The following PARD3 variants were observed in gnomAD, a reference collection of about 807,000 sequenced individuals.
The protein encoded by PARD3 is par-3 family cell polarity regulator, also known as partitioning defective 3 homolog.
PARD3 carries 75 observed loss-of-function variants against 155.4 expected under a neutral mutation model. The observed-to-expected ratio is 0.48, with a 90% CI of 0.40 to 0.58. The LOEUF (loss-of-function observed/expected upper bound fraction) is 0.58. PARD3 is among the 20% of genes least tolerant of loss of function. The probability of loss-of-function intolerance (pLI) is 0.00; values close to 1 mark genes in which losing one functional copy is unlikely to be tolerated. For synonymous variants in PARD3, 576 were observed against 610.5 expected (o/e 0.94, Z 0.83); for missense variants, 1,642 against 1,721.7 (o/e 0.95, Z 0.82).
intron 22 of PARD3, among the ~76,000 whole-genome samples, chr10:34,231,544 T>A (rs1480980735): frequency 6.6e-6 from 1 of 152,074 alleles, no homozygotes; most frequent in Non-Finnish European, 1.5e-5. Context: ...AGAAAACTTG[T>A]ATGAGGCAAA....
intron 1 of PARD3, among the ~76,000 whole-genome samples, chr10:34,742,112 C>T (rs1034596977): frequency 6.6e-5 from 10 of 152,168 alleles, no homozygotes; most frequent in African/African-American, 1.9e-4. Context: ...TGAAAATTCA[C>T]GTGATAGCTA....
chr10:34,687,223 T>G (rs2093966707), intron 2 of PARD3, among the ~76,000 whole-genome samples: 1 of 152,138 alleles, frequency 6.6e-6, no homozygotes, highest in Non-Finnish European at 1.5e-5. Flanking sequence ...AGTAATTTTA[T>G]TACCATAAGA....
chr10:34,602,339 C>T (rs1482851676), intron 2 of PARD3, among the ~76,000 whole-genome samples: 1 of 152,084 alleles, frequency 6.6e-6, no homozygotes, highest in African/African-American at 2.4e-5. Flanking sequence ...TATTGTAGAT[C>T]CACTAATGGA....
intron 1 of PARD3, among the ~76,000 whole-genome samples, chr10:34,810,555 T>C (rs1194953417): frequency 1.3e-5 from 2 of 152,206 alleles, no homozygotes; most frequent in Non-Finnish European, 2.9e-5. Context: ...CATACACACA[T>C]GCAACACACA....
In PARD3 at chr10:34,377,339, G is replaced by A. The variant is rs555717379; in HGVS notation, c.1539+628C>T. Among the ~76,000 whole-genome samples the A allele has an allele frequency of 7.0e-4, 107 of 152,274 alleles. No individual in the cohort carries two copies. In the South Asian group the frequency reaches 0.022, roughly 31 times the overall value. The stretch of plus-strand genomic sequence containing the variant: ...CTAAACTAAATGGGGCTGGGCATGA[G>A]GGCTAACGTCTGTAATCCCAGCATT... On this transcript the variant is annotated intron_variant, in intron 10 of 24. Transcript: ENST00000374788.
chr10:34,699,170 C>T (rs1372673826), intron 1 of PARD3, among the ~76,000 whole-genome samples: 2 of 152,160 alleles, frequency 1.3e-5, no homozygotes, highest in African/African-American at 2.4e-5. Flanking sequence ...CAACAGTCAG[C>T]TATGCCAAGC....
intron 2 of PARD3, among the ~76,000 whole-genome samples, chr10:34,560,752 C>T (rs1379355428): frequency 6.6e-5 from 10 of 152,088 alleles, no homozygotes; most frequent in Non-Finnish European, 1.3e-4. Context: ...GTGTCCACTG[C>T]GTTCATTTTA....
At chr10:34,186,426 G>A (rs1398304666) in intron 22 of PARD3, among the ~76,000 whole-genome samples, 4 of 151,458 alleles carry the variant, frequency 2.6e-5, no homozygotes, top group Admixed American at 6.6e-5. Context: ...CCCAAACACT[G>A]GGATTTTCAG....
At chr10:34,664,732 C>T (rs2093408416) in intron 2 of PARD3, among the ~76,000 whole-genome samples, 1 of 152,176 alleles carries the variant, frequency 6.6e-6, no homozygotes, top group Non-Finnish European at 1.5e-5. Flanking sequence ...GTAATCTGCC[C>T]ACTTTGGCCT....
chr10:34,721,362 A>C (rs1176585558), intron 1 of PARD3, among the ~76,000 whole-genome samples: 1 of 152,214 alleles, frequency 6.6e-6, no homozygotes. Context: ...GGCGTAAAGT[A>C]AGCTATGTGA....
At chr10:34,440,618 A>G (rs534738820) in intron 5 of PARD3, among the ~76,000 whole-genome samples, 1 of 152,242 alleles carries the variant, frequency 6.6e-6, no homozygotes, top group South Asian at 2.1e-4. Context: ...ACACACCACC[A>G]AAGATTTTTC....
intron 3 of PARD3, among the ~76,000 whole-genome samples, chr10:34,493,893 G>A (rs1473834474): frequency 1.3e-5 from 2 of 152,036 alleles, no homozygotes; most frequent in Non-Finnish European, 2.9e-5. Flanking sequence ...CTATTATCAT[G>A]GAAATACCAT....
chr10:34,684,064 G>A (rs900602036), intron 2 of PARD3, among the ~76,000 whole-genome samples: 4 of 152,096 alleles, frequency 2.6e-5, no homozygotes, highest in Non-Finnish European at 5.9e-5. Context: ...TCATTTCCAG[G>A]TTATCAAAAT....
chr10:34,577,850 C>CTT (rs369876578), intron 2 of PARD3, among the ~76,000 whole-genome samples: 21 of 144,574 alleles, frequency 1.5e-4, no homozygotes, highest in South Asian at 2.2e-4. Flanking sequence ...CTAGAATAAA[C>CTT]TTTTTTTTTT....
intron 2 of PARD3, among the ~76,000 whole-genome samples, chr10:34,655,651 G>A (rs1175149037): frequency 1.3e-5 from 2 of 152,182 alleles, no homozygotes; most frequent in Non-Finnish European, 2.9e-5. Context: ...AAGGGGATGA[G>A]AACGCTGACG....
Position 34,261,057 on chromosome 10 carries a change from G to A in PARD3, c.3419+8600C>T, listed in dbSNP as rs1954931065. Among the ~76,000 whole-genome samples, 9 of 152,152 alleles carry A rather than the reference G, an allele frequency of 5.9e-5. No homozygotes were observed. The South Asian group carries it at 1.7e-3, about 28-fold the overall frequency. On this transcript the variant is annotated intron_variant, in intron 22 of 24. Transcript: ENST00000374788. ...TCCATTAAGGTGTCCTCAGCAAGCA[G>A]GGGGAGTCTAGCCTACTATTTTCTT...
chr10:34,263,487 T>C (rs1955132339), intron 22 of PARD3, among the ~76,000 whole-genome samples: 1 of 151,910 alleles, frequency 6.6e-6, no homozygotes, highest in Non-Finnish European at 1.5e-5. Flanking sequence ...TGAGACCCCA[T>C]CTGTACAAAA....
At chr10:34,299,657 A>C (rs921735950) in intron 20 of PARD3, among the ~76,000 whole-genome samples, 2 of 152,258 alleles carry the variant, frequency 1.3e-5, no homozygotes, top group Non-Finnish European at 2.9e-5. Flanking sequence ...CTTTGAGAAT[A>C]AAAGATAATA....
intron 3 of PARD3, among the ~76,000 whole-genome samples, chr10:34,496,052 A>G (rs2080260452): frequency 6.6e-6 from 1 of 151,852 alleles, no homozygotes. Context: ...AAATACAAAT[A>G]TTAGCTGGGC....
Sources: gnomAD v4.1 joint callset for allele counts (sites outside exome capture counted in the v4.1 genomes callset) on GRCh38, gnomAD v4.1.1 for gene constraint, MANE v1.5 for transcripts, NCBI Gene and HGNC (gene_info 2026-07-23, HGNC 2026-07-21) for gene names.